GABRG2: variants seen among roughly 807,000 people sequenced by gnomAD.
GABRG2 encodes the protein gamma-aminobutyric acid receptor subunit gamma-2.
A neutral mutation model predicts 56.4 loss-of-function variants in GABRG2; 16 were observed. The ratio of observed to expected loss-of-function variants is 0.28; its 90% CI spans 0.19 to 0.43. The LOEUF is 0.43. Among genes scored for constraint, GABRG2 ranks in the 20% least tolerant of loss-of-function variants. The probability of loss-of-function intolerance (pLI) is 1.00; values close to 1 mark genes in which losing one functional copy is unlikely to be tolerated. For synonymous variants in GABRG2, 208 were observed against 205.5 expected (o/e 1.01, Z -0.10); for missense variants, 327 against 582.7 (o/e 0.56, Z 4.52).
At chr5:162,101,819 A>G (rs1761440872) in intron 5 of GABRG2, 1 of 159,706 alleles carries the variant, frequency 6.3e-6, no homozygotes, top group Non-Finnish European at 1.4e-5. Context: ...TATTATTTTT[A>G]TCAGATAGAT....
At chr5:162,117,492 A>C (rs145999757) in intron 6 of GABRG2, among the ~76,000 whole-genome samples, 5 of 152,236 alleles carry the variant, frequency 3.3e-5, no homozygotes, top group African/African-American at 9.6e-5. Context: ...AGAGGAAGAT[A>C]TTGTCAAAAA....
At chr5:162,134,580 ACAAT>A (rs1763983806) in intron 6 of GABRG2, among the ~76,000 whole-genome samples, 1 of 152,190 alleles carries the variant, frequency 6.6e-6, no homozygotes, top group South Asian at 2.1e-4. Context: ...CTGAAATCAC[ACAAT>A]CAGTTAGTGA....
rs1333582494 is a variant in GABRG2, at chr5:162,149,312, C to T, written c.1127C>T (p.Pro376Leu). 7 of 1,613,878 alleles carry T rather than the reference C, an allele frequency of 4.3e-6. No individual in the cohort carries two copies. The highest frequency in any genetic ancestry group is 5.1e-6 in the Non-Finnish European group (6 of 1,179,860). Residue 376 changes from proline (P) to leucine (L), a missense_variant and splice_region_variant, in exon 8 of 10, where the codon CCT becomes CTT. Physicochemically the swap from Pro to Leu is moderately conservative, Grantham distance 98. This residue lies in a region of GABRG2 where 108 missense variants were observed against 144.2 expected (regional missense o/e 0.75). Transcript: ENST00000639213. ...GACAAAGATAAAAAGAAGAAAAACCCTGTATGTATCATTTTCCATTGGCAC... is the reference window on the plus strand; with the variant it reads ...GACAAAGATAAAAAGAAGAAAAACCTTGTATGTATCATTTTCCATTGGCAC... Reference protein sequence around the residue: ...SKDKDKKKKNPLLRMFSFKAP... With the variant: ...SKDKDKKKKNLLLRMFSFKAP...
At chr5:162,106,884 A>G (rs1561646327) in intron 6 of GABRG2, among the ~76,000 whole-genome samples, 1 of 145,460 alleles carries the variant, frequency 6.9e-6, no homozygotes, top group Admixed American at 7.1e-5. Flanking sequence ...GGGTACATGT[A>G]CAGGTTTGTT....
At position 162,151,944 on chromosome 5, in the gene GABRG2, CT is replaced by C; in HGVS notation, c.1152+193del. The C allele has an allele frequency of 7.8e-6, 4 of 512,612 alleles. No individual in the cohort carries two copies. In the South Asian group the frequency reaches 1.3e-4, roughly 17 times the overall value. The allele number at this position is 512,612 out of a possible 1,614,324, so 31.8% of individuals were successfully genotyped here. On this transcript the variant is annotated intron_variant, in intron 9 of 9. Transcript: ENST00000639213. ...TACACTAATTCACATAGGTTTTAAT[CT>C]TACACCAAGCCCAAAAGCTATAATC...
Position 162,153,740 on chromosome 5 carries a change from C to T in GABRG2, c.*372C>T, listed in dbSNP as rs1765537253. 2 of 279,544 alleles carry T rather than the reference C, an allele frequency of 7.2e-6. No homozygotes were observed. Among genetic ancestry groups the T allele is most frequent in the South Asian group, 4.5e-5 (1 of 22,248 alleles). The allele number at this position is 279,544 out of a possible 1,614,324, so 17.3% of individuals were successfully genotyped here. A position where few individuals can be genotyped will look rare whatever the true frequency, so the allele number is the denominator to read the frequency against. On this transcript the variant is annotated 3_prime_UTR_variant, in exon 10 of 10. Transcript: ENST00000639213. ...GATAGAAAAGGTCCAAAACTGTACC[C>T]TATGTTCACTCCGGGTCAAGTTGTG...
chr5:162,135,619 G>A (rs1038062682), intron 6 of GABRG2, among the ~76,000 whole-genome samples: 1 of 152,148 alleles, frequency 6.6e-6, no homozygotes, highest in Admixed American at 6.6e-5. Context: ...ATCTTACTGA[G>A]CTCTTACTAT....
Position 162,101,246 on chromosome 5 carries a change from A to T in GABRG2, c.560A>T (p.Asp187Val). The change falls in exon 5 of 10, where the codon GAT (aspartate) becomes GTT (valine). Residue 187 changes from aspartate (D) to valine (V), a missense_variant. Physicochemically the swap from Asp to Val is radical, Grantham distance 152. Coordinates refer to ENST00000639213, the MANE Select transcript of GABRG2 (RefSeq NM_198904.4). ...RVLYTLRLTI[D>V]AECQLQLHNF... ...ATCTTTCTACTTAGGTTGACAATTG[A>T]TGCTGAGTGCCAATTACAATTGCAC... is the stretch of plus-strand genomic sequence containing the variant. 6.2e-7 allele frequency: 1 copy of T among 1,605,930 alleles called. No homozygotes were observed. The highest frequency in any genetic ancestry group is 1.1e-5 in the South Asian group (1 of 90,892).
chr5:162,114,943 G>T (rs568187188), intron 6 of GABRG2, among the ~76,000 whole-genome samples: 2 of 151,250 alleles, frequency 1.3e-5, no homozygotes, highest in South Asian at 4.1e-4. Context: ...GTTTGTTGCC[G>T]TTTTGCTTTG....
At chr5:162,121,162 T>C (rs1762954951) in intron 6 of GABRG2, among the ~76,000 whole-genome samples, 1 of 152,162 alleles carries the variant, frequency 6.6e-6, no homozygotes, top group Admixed American at 6.6e-5. Context: ...AGTCATTCCA[T>C]TGCATGTCCA....
intron 1 of GABRG2, among the ~76,000 whole-genome samples, chr5:162,071,398 CAAAT>C (rs1281116058): frequency 1.3e-5 from 2 of 151,316 alleles, no homozygotes; most frequent in East Asian, 1.9e-4. Flanking sequence ...CTTAGAGTGA[CAAAT>C]AATTATTTTT....
chr5:162,091,696 TCTTA>T (rs1760603562), intron 1 of GABRG2, among the ~76,000 whole-genome samples: 1 of 152,120 alleles, frequency 6.6e-6, no homozygotes, highest in Non-Finnish European at 1.5e-5. Context: ...TGGAAATTAG[TCTTA>T]CTTCTAAAAA....
chr5:162,107,000 C>T (rs1162697794), intron 6 of GABRG2, among the ~76,000 whole-genome samples: 1 of 152,098 alleles, frequency 6.6e-6, no homozygotes, highest in Admixed American at 6.5e-5. Context: ...TCCTCTCCTT[C>T]CTCCCAACCT....
chr5:162,078,054 G>T (rs2113165957), intron 1 of GABRG2, among the ~76,000 whole-genome samples: 1 of 152,074 alleles, frequency 6.6e-6, no homozygotes, highest in Non-Finnish European at 1.5e-5. Flanking sequence ...GACCTATCCT[G>T]ATGTATAATG....
chr5:162,101,821 C>A (rs959058128), intron 5 of GABRG2: 20 of 159,300 alleles, frequency 1.3e-4, no homozygotes, highest in Admixed American at 3.0e-4. Flanking sequence ...TTATTTTTAT[C>A]AGATAGATAA....
intron 1 of GABRG2, among the ~76,000 whole-genome samples, chr5:162,074,954 C>T (rs954842914): frequency 5.3e-5 from 8 of 151,954 alleles, no homozygotes; most frequent in African/African-American, 1.2e-4. Context: ...ACCTGATTTC[C>T]GTAGGCAGAA....
At chr5:162,138,013 T>G (rs1003568328) in intron 6 of GABRG2, among the ~76,000 whole-genome samples, 5 of 151,958 alleles carry the variant, frequency 3.3e-5, no homozygotes, top group African/African-American at 1.2e-4. Context: ...ATGTACCTTG[T>G]GCTCCCCAAG....
At chr5:162,124,782 T>C (rs943791302) in intron 6 of GABRG2, among the ~76,000 whole-genome samples, 1 of 151,852 alleles carries the variant, frequency 6.6e-6, no homozygotes, top group Non-Finnish European at 1.5e-5. Context: ...TCCAGTCCTT[T>C]ATACCTAGCT....
chr5:162,139,072 C>A (rs1266627637), intron 6 of GABRG2, among the ~76,000 whole-genome samples: 3 of 151,892 alleles, frequency 2.0e-5, no homozygotes, highest in Admixed American at 6.6e-5. Context: ...ATCTCACACA[C>A]AAAAAAGATA....
Sources: gnomAD v4.1 joint callset for allele counts (sites outside exome capture counted in the v4.1 genomes callset) on GRCh38, gnomAD v4.1.1 for gene constraint, gnomAD v4.1.1 regional missense constraint, MANE v1.5 for transcripts, NCBI Gene and HGNC (gene_info 2026-07-23, HGNC 2026-07-21) for gene names.